ZNF608: variants seen among roughly 807,000 people sequenced by gnomAD.
The protein encoded by ZNF608 is renal carcinoma antigen NY-REN-36.
A neutral mutation model predicts 109.0 loss-of-function variants in ZNF608; 12 were observed. The observed-to-expected ratio is 0.11, with a 90% CI of 0.07 to 0.18. ZNF608 has a LOEUF of 0.18. Ranked by LOEUF, ZNF608 falls within the 10% of genes least tolerant of loss-of-function variation. The probability of loss-of-function intolerance (pLI) is 1.00; values close to 1 mark genes in which losing one functional copy is unlikely to be tolerated. For missense variants in ZNF608, 1,707 were observed against 1,879.3 expected (o/e 0.91, Z 1.70); for synonymous variants, 732 against 717.4 (o/e 1.02, Z -0.33).
intron 3 of ZNF608, among the ~76,000 whole-genome samples, chr5:124,670,480 T>C (rs1751670132): frequency 6.6e-6 from 1 of 151,966 alleles, no homozygotes; most frequent in South Asian, 2.1e-4. Flanking sequence ...CAAGATAAAA[T>C]AAATTGTAGC....
At chr5:124,730,516 T>C (rs1748846551) in intron 2 of ZNF608, among the ~76,000 whole-genome samples, 1 of 152,256 alleles carries the variant, frequency 6.6e-6, no homozygotes, top group Non-Finnish European at 1.5e-5. Flanking sequence ...GACTGGTTTT[T>C]ACAAGGAAAT....
At chr5:124,638,843 A>C in intron 9 of ZNF608, 2 of 1,139,744 alleles carry the variant, frequency 1.8e-6, no homozygotes, top group Non-Finnish European at 2.2e-6. Context: ...TAATAAAACA[A>C]AGGGAGTCAT....
chr5:124,676,233 C>G (rs957984403), intron 3 of ZNF608, among the ~76,000 whole-genome samples: 1 of 152,050 alleles, frequency 6.6e-6, no homozygotes, highest in Non-Finnish European at 1.5e-5. Flanking sequence ...ATCTGAGGGG[C>G]GAGTGCAAAC....
In ZNF608 at chr5:124,719,492, T is replaced by C. The variant is rs139253603; in HGVS notation, c.907-18223A>G. On this transcript the variant is annotated intron_variant, in intron 2 of 9. Transcript: ENST00000513986. ...TATTTACAAAGTGTTTTCCTGTTAC[T>C]TCATTTGTTGTTCACCACTTCAAAA... 1.8e-3 allele frequency among the ~76,000 whole-genome samples: 277 copies of C among 152,322 alleles called. 1 individual carries two copies. Among genetic ancestry groups the C allele is most frequent in the Non-Finnish European group, 1.8e-3 (121 of 68,034 alleles).
intron 3 of ZNF608, among the ~76,000 whole-genome samples, chr5:124,684,013 T>C (rs777838458): frequency 1.3e-5 from 2 of 152,212 alleles, no homozygotes; most frequent in African/African-American, 2.4e-5. Context: ...GACCCTGCTT[T>C]ACCTACAGAA....
intron 2 of ZNF608, among the ~76,000 whole-genome samples, chr5:124,716,142 CAAAAAA>C (rs1232356378): frequency 2.7e-5 from 2 of 73,966 alleles, no homozygotes; most frequent in East Asian, 4.2e-4. Flanking sequence ...GAATCCGTCT[CAAAAAA>C]AAAAAAAAAA....
chr5:124,647,458 C>A lies in ZNF608; in HGVS notation c.2926G>T (p.Val976Leu), dbSNP rs1750571436. ...GCTGTAGTTGAAGAATGCCCTTTTA[C>A]AACACTGTCCTTACTAGAAATAATA... ...SDIISSKDSVVKGHSSTTAQS... is the reference protein window; with the variant it reads ...SDIISSKDSVLKGHSSTTAQS... The change falls in exon 5 of 10, where the codon GTA becomes TTA. Residue 976 changes from valine (V) to leucine (L), a missense_variant. Val to Leu is a conservative substitution (Grantham distance 32). Coordinates refer to ENST00000513986, the MANE Select transcript of ZNF608 (RefSeq NM_020747.3). The A allele has an allele frequency of 6.2e-7, 1 of 1,614,212 alleles. No homozygotes were observed. Among genetic ancestry groups the A allele is most frequent in the Admixed American group, 1.7e-5 (1 of 60,032 alleles).
At chr5:124,663,636 C>G (rs1751367396) in intron 3 of ZNF608, among the ~76,000 whole-genome samples, 1 of 152,116 alleles carries the variant, frequency 6.6e-6, no homozygotes, top group African/African-American at 2.4e-5. Flanking sequence ...AAGTATTATG[C>G]TATTAATACT....
At chr5:124,746,691 A>G, upstream of ZNF608, 1 of 985,366 alleles carries the variant, frequency 1.0e-6, no homozygotes, top group African/African-American at 1.7e-5. Flanking sequence ...AAGAAAGAAT[A>G]AGAAGAAAGG....
intron 8 of ZNF608, among the ~76,000 whole-genome samples, chr5:124,639,457 C>T (rs1032182907): frequency 2.0e-5 from 3 of 152,186 alleles, no homozygotes; most frequent in Non-Finnish European, 2.9e-5. Flanking sequence ...TCCATCTCTC[C>T]GGCTCTGCAT....
rs1168790883 is a variant in ZNF608 at position 124,648,299 on chromosome 5, A to T, written c.2085T>A (p.Ala695=). The T allele has an allele frequency of 6.2e-7, 1 of 1,614,186 alleles. No homozygotes were observed. Residue 695 remains alanine (A), a synonymous_variant, in exon 5 of 10, where the codon GCT becomes GCA. Coordinates refer to ENST00000513986, the MANE Select transcript of ZNF608 (RefSeq NM_020747.3). ...CTTCTGCTTCCAGTTTAGGCATCTC[A>T]GCAGCCAAACTGCCGTCTGCTGCCG... The part of the protein sequence containing the change: ...SCSAADGSLA[A]EMPKLEAEGL...
chr5:124,734,845 A>G (rs1248801108), intron 2 of ZNF608: 1 of 152,218 alleles, frequency 6.6e-6, no homozygotes, highest in Admixed American at 6.5e-5. Flanking sequence ...TCTTTTATTA[A>G]AACACTGCAT....
chr5:124,729,566 G>T (rs1352420488), intron 2 of ZNF608, among the ~76,000 whole-genome samples: 1 of 152,114 alleles, frequency 6.6e-6, no homozygotes, highest in Non-Finnish European at 1.5e-5. Context: ...GTATTGGTTC[G>T]TGCTGTTACA....
intron 3 of ZNF608, among the ~76,000 whole-genome samples, chr5:124,650,764 C>T (rs1265853768): frequency 6.6e-6 from 1 of 152,184 alleles, no homozygotes; most frequent in Non-Finnish European, 1.5e-5. Context: ...TCTGCATCTA[C>T]CCCTACTCTT....
chr5:124,674,962 G>A (rs1048371496), intron 3 of ZNF608, among the ~76,000 whole-genome samples: 11 of 152,038 alleles, frequency 7.2e-5, no homozygotes, highest in African/African-American at 2.7e-4. Flanking sequence ...GGGCCTAATC[G>A]ATTCTAAGGT....
rs757199355 is a variant in ZNF608, at chr5:124,644,314, G to A, written c.4053C>T (p.Tyr1351=). 2.3e-5 allele frequency: 37 copies of A among 1,614,160 alleles called. No homozygotes were observed. Among genetic ancestry groups the A allele is most frequent in the Non-Finnish European group, 3.1e-5 (37 of 1,180,012 alleles). ...SYIQYLHAYP[Y]PQMYDPSHPA... ...GATGGCTGGGGTCGTACATCTGTGG[G>A]TAAGGATAAGCATGCAAGTACTGTA... The change falls in exon 6 of 10, where the codon TAC becomes TAT. Residue 1351 remains tyrosine, a synonymous_variant. Transcript: ENST00000513986.
chr5:124,686,966 G>A (rs1462871284), intron 3 of ZNF608, among the ~76,000 whole-genome samples: 1 of 152,142 alleles, frequency 6.6e-6, no homozygotes, highest in African/African-American at 2.4e-5. Flanking sequence ...CACTTGGGGT[G>A]TTTTTGTAAA....
upstream of ZNF608, among the ~76,000 whole-genome samples, chr5:124,747,222 G>T (rs1035588114): frequency 2.1e-5 from 3 of 143,308 alleles, no homozygotes; most frequent in Non-Finnish European, 4.5e-5. Context: ...TCTTATACTC[G>T]CAGCAAACGG....
Position 124,742,618 on chromosome 5 carries a change from T to C in ZNF608, c.906+1466A>G, listed in dbSNP as rs867387302. Among the ~76,000 whole-genome samples, 3 of 152,244 alleles carry C rather than the reference T, an allele frequency of 2.0e-5. No homozygotes were observed. The South Asian group carries it at 6.2e-4, about 31-fold the overall frequency. On this transcript the variant is annotated intron_variant, in intron 2 of 9. Transcript: ENST00000513986. Reference sequence around the variant, plus strand: ...CCCGGAATTTTCAAAAATTCATTTATATTCATTAATGTACCTGACCAAGAG... The same window carrying C: ...CCCGGAATTTTCAAAAATTCATTTACATTCATTAATGTACCTGACCAAGAG...
Sources: gnomAD v4.1 joint callset for allele counts (sites outside exome capture counted in the v4.1 genomes callset) on GRCh38, gnomAD v4.1.1 for gene constraint, MANE v1.5 for transcripts, NCBI Gene and HGNC (gene_info 2026-07-23, HGNC 2026-07-21) for gene names.